SSBP2: variants seen among roughly 807,000 people sequenced by gnomAD.
SSBP2 encodes single stranded DNA binding protein 2, also known as single-stranded DNA-binding protein 2.
A neutral mutation model predicts 61.8 loss-of-function variants in SSBP2; 17 were observed. That is an observed-to-expected ratio of 0.28 (90% CI 0.19 to 0.41). The LOEUF is 0.41. Ranked by LOEUF, SSBP2 falls within the 10% of genes least tolerant of loss-of-function variation. The probability of loss-of-function intolerance (pLI) is 1.00; values close to 1 mark genes in which losing one functional copy is unlikely to be tolerated. For missense variants in SSBP2, 310 were observed against 458.7 expected (o/e 0.68, Z 2.96); for synonymous variants, 139 against 141.3 (o/e 0.98, Z 0.12).
intron 1 of SSBP2, among the ~76,000 whole-genome samples, chr5:81,680,503 A>T (rs1383682201): frequency 6.6e-6 from 1 of 151,944 alleles, no homozygotes; most frequent in East Asian, 1.9e-4. Context: ...ACTCAGCTGT[A>T]TGTTGTCTAC....
chr5:81,430,135 A>G (rs912008806), intron 15 of SSBP2, among the ~76,000 whole-genome samples: 1 of 152,190 alleles, frequency 6.6e-6, no homozygotes, highest in Non-Finnish European at 1.5e-5. Flanking sequence ...ATTAATTATT[A>G]AAGTTATTAG....
chr5:81,485,496 T>A (rs545188973), intron 6 of SSBP2, among the ~76,000 whole-genome samples: 18 of 152,294 alleles, frequency 1.2e-4, no homozygotes, highest in African/African-American at 4.3e-4. Context: ...TTGAGTAAAA[T>A]CTGTTTATTA....
chr5:81,569,489 T>C (rs1374105036), intron 4 of SSBP2, among the ~76,000 whole-genome samples: 1 of 152,216 alleles, frequency 6.6e-6, no homozygotes, highest in Non-Finnish European at 1.5e-5. Context: ...AAATACTCCA[T>C]GCCTCCATGA....
intron 4 of SSBP2, among the ~76,000 whole-genome samples, chr5:81,562,580 A>T (rs1190045717): frequency 6.6e-6 from 1 of 152,208 alleles, no homozygotes; most frequent in Admixed American, 6.5e-5. Context: ...AGAGCAAACC[A>T]ATCCATGTCC....
chr5:81,623,449 C>T (rs951246079), intron 3 of SSBP2, among the ~76,000 whole-genome samples: 2 of 151,310 alleles, frequency 1.3e-5, no homozygotes, highest in African/African-American at 4.9e-5. Flanking sequence ...CATTCTCCTG[C>T]CTCAGCCTCC....
chr5:81,737,795 A>AC (rs989478003), intron 1 of SSBP2, among the ~76,000 whole-genome samples: 13 of 151,358 alleles, frequency 8.6e-5, no homozygotes, highest in Admixed American at 8.6e-4. Context: ...CTCAAAAAAA[A>AC]AAAAAAAACA....
chr5:81,489,716 G>T, intron 5 of SSBP2, among the ~76,000 whole-genome samples: 1 of 152,008 alleles, frequency 6.6e-6, no homozygotes, highest in Non-Finnish European at 1.5e-5. Flanking sequence ...TGTTTGGTTT[G>T]GTTATCAATT....
intron 1 of SSBP2, among the ~76,000 whole-genome samples, chr5:81,749,878 CCCA>C (rs1343802036): frequency 8.5e-5 from 13 of 152,280 alleles, no homozygotes; most frequent in African/African-American, 3.1e-4. Context: ...CCTGTATCTC[CCCA>C]CAACTGTAAC....
chr5:81,736,879 C>T (rs1470246876), intron 1 of SSBP2, among the ~76,000 whole-genome samples: 2 of 152,160 alleles, frequency 1.3e-5, no homozygotes, highest in African/African-American at 4.8e-5. Context: ...GCTTTACAGG[C>T]TAATAGCCTG....
chr5:81,656,968 T>C (rs1047711769), intron 1 of SSBP2, among the ~76,000 whole-genome samples: 1 of 152,174 alleles, frequency 6.6e-6, no homozygotes, highest in Non-Finnish European at 1.5e-5. Context: ...ATATTGTATG[T>C]ACATACAAGC....
At chr5:81,585,875 T>A (rs776173460) in intron 4 of SSBP2, among the ~76,000 whole-genome samples, 2 of 152,204 alleles carry the variant, frequency 1.3e-5, no homozygotes, top group Non-Finnish European at 2.9e-5. Flanking sequence ...TTCATTTTTT[T>A]AGATATGAGA....
At chr5:81,464,384 T>A (rs1764753300) in intron 9 of SSBP2, among the ~76,000 whole-genome samples, 1 of 152,184 alleles carries the variant, frequency 6.6e-6, no homozygotes, top group African/African-American at 2.4e-5. Context: ...CTACTTTAAA[T>A]TACTTAAATT....
chr5:81,496,191 T>G lies in SSBP2; in HGVS notation c.373-6882A>C, dbSNP rs557004735. 7.5e-4 allele frequency among the ~76,000 whole-genome samples: 114 copies of G among 152,306 alleles called. 1 individual carries two copies. The highest frequency in any genetic ancestry group is 1.5e-3 in the Non-Finnish European group (105 of 68,020). On this transcript the variant is annotated intron_variant, in intron 5 of 16. Coordinates refer to ENST00000320672, the MANE Select transcript of SSBP2 (RefSeq NM_012446.5). ...AAAACCTAGAAGTTTTAAAACTTTT[T>G]TTTTTTGAGACGGAGTCTCACTCTG... is the stretch of plus-strand genomic sequence containing the variant.
chr5:81,750,167 C>CA (rs1757633381), intron 1 of SSBP2, among the ~76,000 whole-genome samples: 1 of 151,924 alleles, frequency 6.6e-6, no homozygotes, highest in Non-Finnish European at 1.5e-5. Flanking sequence ...TCCTCGCCAA[C>CA]ACACTTTAGC....
chr5:81,498,622 T>G (rs544998827), intron 5 of SSBP2, among the ~76,000 whole-genome samples: 1 of 152,102 alleles, frequency 6.6e-6, no homozygotes, highest in Non-Finnish European at 1.5e-5. Flanking sequence ...GTAGTACTTA[T>G]TATTCATGAT....
intron 3 of SSBP2, among the ~76,000 whole-genome samples, chr5:81,632,179 TTATA>T (rs1456852415): frequency 6.6e-6 from 1 of 152,238 alleles, no homozygotes; most frequent in South Asian, 2.1e-4. Flanking sequence ...TCTTTTGTCA[TTATA>T]TAGTGTTCAT....
At chr5:81,588,295 A>G (rs1427297558) in intron 4 of SSBP2, among the ~76,000 whole-genome samples, 3 of 152,148 alleles carry the variant, frequency 2.0e-5, no homozygotes, top group African/African-American at 7.2e-5. Flanking sequence ...TATATACATT[A>G]TCTTATATAT....
chr5:81,747,830 TAAAG>T (rs1297825666), intron 1 of SSBP2, among the ~76,000 whole-genome samples: 2 of 152,180 alleles, frequency 1.3e-5, no homozygotes, highest in Non-Finnish European at 2.9e-5. Context: ...ATTAGTGTTA[TAAAG>T]AAAGCCTGCT....
At chr5:81,718,778 A>T (rs1755347106) in intron 1 of SSBP2, among the ~76,000 whole-genome samples, 1 of 152,200 alleles carries the variant, frequency 6.6e-6, no homozygotes, top group South Asian at 2.1e-4. Flanking sequence ...GGGGAAATCT[A>T]AGTAAGAAAT....
Sources: gnomAD v4.1 joint callset for allele counts (sites outside exome capture counted in the v4.1 genomes callset) on GRCh38, gnomAD v4.1.1 for gene constraint, MANE v1.5 for transcripts, NCBI Gene and HGNC (gene_info 2026-07-23, HGNC 2026-07-21) for gene names.